Variants in PDE3B observed in about 807,000 individuals in gnomAD.
PDE3B encodes the protein phosphodiesterase 3B, also known as cGMP-inhibited 3',5'-cyclic phosphodiesterase 3B.
In PDE3B, 66 loss-of-function variants were observed where a neutral mutation model predicts 116.8. That is an observed-to-expected ratio of 0.56 (90% CI 0.46 to 0.69). The LOEUF is 0.69. PDE3B is among the 30% of genes least tolerant of loss of function. The pLI, the probability that PDE3B is intolerant of heterozygous loss-of-function variation, is 0.00. For missense variants in PDE3B, 1,384 were observed against 1,368.1 expected (o/e 1.01, Z -0.18); for synonymous variants, 595 against 533.6 (o/e 1.12, Z -1.59).
At chr11:14,827,380 T>C (rs559180090) in intron 7 of PDE3B, among the ~76,000 whole-genome samples, 2 of 152,220 alleles carry the variant, frequency 1.3e-5, no homozygotes, top group African/African-American at 2.4e-5. Flanking sequence ...GGTCAAACTA[T>C]CCCTGTTTGC....
intron 5 of PDE3B, among the ~76,000 whole-genome samples, chr11:14,805,282 A>T (rs1253039757): frequency 1.3e-5 from 2 of 152,232 alleles, no homozygotes; most frequent in African/African-American, 4.8e-5. Flanking sequence ...CAATAATGAT[A>T]TTGACAGTGA....
intron 1 of PDE3B, among the ~76,000 whole-genome samples, chr11:14,760,967 G>A (rs759084596): frequency 1.3e-5 from 2 of 151,912 alleles, no homozygotes; most frequent in East Asian, 3.9e-4. Context: ...ACAATAAATT[G>A]TTCTTAACTG....
intron 1 of PDE3B, among the ~76,000 whole-genome samples, chr11:14,651,577 C>G (rs1853575960): frequency 6.6e-6 from 1 of 152,124 alleles, no homozygotes; most frequent in African/African-American, 2.4e-5. Context: ...TCTTATCAAC[C>G]AGTGCTTCCT....
the PDE3B span, chr11:14,878,420 T>G: frequency 1.1e-6 from 1 of 931,320 alleles, no homozygotes; most frequent in South Asian, 1.6e-5. Context: ...GAACTATGTT[T>G]ATTAAAGGAT....
chr11:14,786,502 T>C lies in PDE3B; in HGVS notation c.1095T>C (p.Asp365=). 6.2e-7 allele frequency: 1 copy of C among 1,611,036 alleles called. No homozygotes were observed. Among genetic ancestry groups the C allele is most frequent in the Non-Finnish European group, 8.5e-7 (1 of 1,177,382 alleles). Residue 365 remains aspartate (D), a synonymous_variant, in exon 3 of 16, where the codon GAT becomes GAC. Transcript: ENST00000282096. ...ATGAGGCTCGCAATATGGTGTCAGA[T>C]CTTCTGACTGATCCAAGCCTTCCAC... is the stretch of plus-strand genomic sequence containing the variant. ...VLNEARNMVS[D]LLTDPSLPPQ...
chr11:14,722,893 G>A (rs558442448), intron 1 of PDE3B, among the ~76,000 whole-genome samples: 4 of 152,246 alleles, frequency 2.6e-5, no homozygotes, highest in South Asian at 4.1e-4. Context: ...GAATGGAGGT[G>A]CTTGGTGTTA....
In PDE3B at chr11:14,816,456, A is replaced by G. The variant is rs115417502; in HGVS notation, c.1523-1727A>G. Among the ~76,000 whole-genome samples the G allele has an allele frequency of 1.4e-3, 210 of 152,316 alleles. 1 individual carries two copies. The highest frequency in any genetic ancestry group is 4.7e-3 in the African/African-American group (194 of 41,568). ...CAAATAAGGTTATAAATCTGCCTGC[A>G]TCTTTCCAGATATACCCACACTGCT... On this transcript the variant is annotated intron_variant, in intron 5 of 15. Coordinates refer to ENST00000282096, the MANE Select transcript of PDE3B (RefSeq NM_000922.4).
At chr11:14,838,005 G>A (rs1232493179) in intron 11 of PDE3B, among the ~76,000 whole-genome samples, 3 of 150,798 alleles carry the variant, frequency 2.0e-5, no homozygotes, top group Non-Finnish European at 4.4e-5. Flanking sequence ...TTGAGACGGA[G>A]TCTCACTTTG....
intron 1 of PDE3B, among the ~76,000 whole-genome samples, chr11:14,739,606 C>T (rs747434629): frequency 7.9e-5 from 12 of 152,128 alleles, no homozygotes; most frequent in Non-Finnish European, 1.2e-4. Context: ...CTTTCTCTTG[C>T]GTGATTGCCC....
At chr11:14,723,323 G>A (rs558269777) in intron 1 of PDE3B, among the ~76,000 whole-genome samples, 1 of 152,248 alleles carries the variant, frequency 6.6e-6, no homozygotes, top group Admixed American at 6.5e-5. Context: ...GAGATATAGT[G>A]GTGAGCAAAG....
chr11:14,777,513 A>C (rs1857823417), intron 2 of PDE3B, among the ~76,000 whole-genome samples: 1 of 152,216 alleles, frequency 6.6e-6, no homozygotes, highest in Non-Finnish European at 1.5e-5. Flanking sequence ...AGAGAGAAAC[A>C]ACACATAACC....
At chr11:14,734,683 T>C in intron 1 of PDE3B, among the ~76,000 whole-genome samples, 1 of 152,208 alleles carries the variant, frequency 6.6e-6, no homozygotes, top group Non-Finnish European at 1.5e-5. Context: ...TTAAATGAGT[T>C]ATTATGAAAA....
intron 1 of PDE3B, among the ~76,000 whole-genome samples, chr11:14,721,078 G>GA (rs1224475515): frequency 7.0e-6 from 1 of 142,612 alleles, no homozygotes; most frequent in East Asian, 2.1e-4. Flanking sequence ...AAATTTACAA[G>GA]AAAAAAACAA....
intron 1 of PDE3B, among the ~76,000 whole-genome samples, chr11:14,759,938 T>G (rs1857308508): frequency 6.6e-6 from 1 of 152,216 alleles, no homozygotes; most frequent in South Asian, 2.1e-4. Flanking sequence ...TGCTATTGTT[T>G]ATCAGTTGAA....
rs763118356 is a variant in PDE3B, at chr11:14,644,697, C to T, written c.622C>T (p.Leu208=). Residue 208 remains leucine, a synonymous_variant, in exon 1 of 16, where the codon CTG becomes TTG. Coordinates refer to ENST00000282096, the MANE Select transcript of PDE3B (RefSeq NM_000922.4). ...LLVLSCVGLL[L]TLAHPLRLRH... Reference sequence around the variant, plus strand: ...GGTGCTGAGCTGCGTAGGGCTGCTGCTGACGCTCGCGCACCCGCTGCGGCT... The same window carrying T: ...GGTGCTGAGCTGCGTAGGGCTGCTGTTGACGCTCGCGCACCCGCTGCGGCT... 9 of 1,517,824 alleles carry T rather than the reference C, an allele frequency of 5.9e-6. No individual in the cohort carries two copies. Among genetic ancestry groups the T allele is most frequent in the African/African-American group, 1.4e-5 (1 of 72,732 alleles). 94.0% of individuals were successfully genotyped at this position (1,517,824 alleles called of 1,614,324 possible).
At chr11:14,718,434 A>G (rs1257763389) in intron 1 of PDE3B, among the ~76,000 whole-genome samples, 3 of 147,470 alleles carry the variant, frequency 2.0e-5, no homozygotes, top group African/African-American at 5.1e-5. Flanking sequence ...ATAGACATCT[A>G]CAGAACTCTC....
At position 14,651,870 on chromosome 11, in the gene PDE3B, G is replaced by A. The variant is rs139759060; in HGVS notation, c.978+6817G>A. On this transcript the variant is annotated intron_variant, in intron 1 of 15. Coordinates refer to ENST00000282096, the MANE Select transcript of PDE3B (RefSeq NM_000922.4). Reference sequence around the variant, plus strand: ...TTTGATTTGTTAGTTTATGCATCTTGTGTTAATACCACACTATCTTAGTTA... The same window carrying A: ...TTTGATTTGTTAGTTTATGCATCTTATGTTAATACCACACTATCTTAGTTA... Among the ~76,000 whole-genome samples the A allele has an allele frequency of 2.1e-3, 321 of 152,268 alleles. 2 individuals are homozygous for A. The highest frequency in any genetic ancestry group is 3.5e-3 in the South Asian group (17 of 4,830).
chr11:14,771,915 C>T lies in PDE3B; in HGVS notation c.979-22C>T, dbSNP rs371392469. The T allele has an allele frequency of 2.5e-6, 3 of 1,210,936 alleles. No homozygotes were observed. The African/African-American group carries it at 4.8e-5, about 19-fold the overall frequency. The allele number at this position is 1,210,936 out of a possible 1,614,324, so 75.0% of individuals were successfully genotyped here. ...TTTTTTGTTTATTTTTGGTTTGTAA[C>T]CAAGTGAATTTTTTTTTCTAGATGA... On this transcript the variant is annotated intron_variant, in intron 1 of 15. Transcript: ENST00000282096.
chr11:14,722,898 G>A (rs952557262), intron 1 of PDE3B, among the ~76,000 whole-genome samples: 2 of 152,116 alleles, frequency 1.3e-5, no homozygotes, highest in African/African-American at 4.8e-5. Context: ...GAGGTGCTTG[G>A]TGTTAAATGA....
Sources: allele counts gnomAD v4.1 joint callset (sites outside exome capture counted in the v4.1 genomes callset), GRCh38; gene constraint gnomAD v4.1.1; transcripts MANE v1.5; gene names NCBI Gene and HGNC (gene_info 2026-07-23, HGNC 2026-07-21).